Variants in PTPRO observed in about 807,000 individuals in gnomAD.
PTPRO encodes protein tyrosine phosphatase receptor type O, also known as receptor-type tyrosine-protein phosphatase O.
A neutral mutation model predicts 145.2 loss-of-function variants in PTPRO; 62 were observed. The ratio of observed to expected loss-of-function variants is 0.43; its 90% CI spans 0.35 to 0.53. The LOEUF (loss-of-function observed/expected upper bound fraction) is 0.53, where lower values mean the gene tolerates loss of function less well. Ranked by LOEUF, PTPRO falls within the 20% of genes least tolerant of loss-of-function variation. The probability of loss-of-function intolerance (pLI) is 0.01; values close to 1 mark genes in which losing one functional copy is unlikely to be tolerated. For synonymous variants in PTPRO, 565 were observed against 514.7 expected, an observed-to-expected ratio of 1.10 and a Z score of -1.32; for missense variants, 1,345 against 1,482.7, an observed-to-expected ratio of 0.91 and a Z score of 1.53.
chr12:15,495,770 A>G (rs1274802828), intron 2 of PTPRO, among the ~76,000 whole-genome samples: 1 of 152,180 alleles, frequency 6.6e-6, no homozygotes, highest in African/African-American at 2.4e-5. Flanking sequence ...TCATATAAGG[A>G]TGGCACCTGG....
Position 15,526,222 on chromosome 12 carries a change from A to C in PTPRO, c.2124A>C (p.Glu708Asp), listed in dbSNP as rs1168657689. Residue 708 changes from glutamate (E) to aspartate (D), a missense_variant, in exon 12 of 27, where the codon GAA becomes GAC. Around this residue, in one of 3 missense-constraint regions of PTPRO, gnomAD observed 1,130 missense variants for 1,214.7 expected, o/e 0.93. Coordinates refer to ENST00000281171, the MANE Select transcript of PTPRO (RefSeq NM_030667.3). ...ACCTCTCAGTAACTGCTTGTACTGAAAGAGGAAGTAATACCTCCATGCTCC... is the reference window on the plus strand; with the variant it reads ...ACCTCTCAGTAACTGCTTGTACTGACAGAGGAAGTAATACCTCCATGCTCC... Reference protein sequence around the residue: ...IYNLSVTACTERGSNTSMLRL... With the variant: ...IYNLSVTACTDRGSNTSMLRL... 1 of 1,613,924 alleles carries C rather than the reference A, an allele frequency of 6.2e-7. No individual in the cohort carries two copies.
rs1257571508 is a variant in PTPRO, at chr12:15,578,922, C to G, written c.2899C>G (p.Arg967Gly). ...ADLPLNRCKN[R>G]YTNILPYDFS... ...TCTTCCACTGAATCGATGTAAAAACCGTTACACAAACATCCTACCATGTAA... is the reference window on the plus strand; with the variant it reads ...TCTTCCACTGAATCGATGTAAAAACGGTTACACAAACATCCTACCATGTAA... The change falls in exon 20 of 27, where the codon CGT becomes GGT. Residue 967 changes from arginine to glycine, a missense_variant. By Grantham distance (125) the Arg-to-Gly change is moderately radical. Around this residue, in one of 3 missense-constraint regions of PTPRO, gnomAD observed 1,130 missense variants for 1,214.7 expected, o/e 0.93. Transcript: ENST00000281171. 1.2e-6 allele frequency: 2 copies of G among 1,600,500 alleles called. No individual in the cohort carries two copies. Among genetic ancestry groups the G allele is most frequent in the Non-Finnish European group, 1.7e-6 (2 of 1,167,704 alleles).
chr12:15,455,812 T>C (rs1362170233), intron 1 of PTPRO, among the ~76,000 whole-genome samples: 1 of 152,182 alleles, frequency 6.6e-6, no homozygotes, highest in African/African-American at 2.4e-5. Flanking sequence ...ACGGGGACAA[T>C]TTGACGTCCT....
chr12:15,461,566 C>CTTTT lies in PTPRO; in HGVS notation c.76-22389_76-22386dup, dbSNP rs141018489. Among the ~76,000 whole-genome samples the CTTTT allele has an allele frequency of 4.1e-3, 289 of 70,516 alleles. 7 individuals carry two copies. Among genetic ancestry groups the CTTTT allele is most frequent in the African/African-American group, 0.013 (280 of 21,876 alleles). The allele number at this position is 70,516 out of a possible 152,430, so 46.3% of individuals were successfully genotyped here. On this transcript the variant is annotated intron_variant, in intron 1 of 26. Transcript: ENST00000281171. ...CCAAGTCCTTCATTTATTGCTATAG[C>CTTTT]TTTTTTTTTTTTTTTTTTTTTTGAC...
At chr12:15,405,840 A>G (rs1939633659) in intron 1 of PTPRO, among the ~76,000 whole-genome samples, 1 of 152,224 alleles carries the variant, frequency 6.6e-6, no homozygotes, top group South Asian at 2.1e-4. Context: ...TGATGGACCA[A>G]TACAGTTACC....
At position 15,478,711 on chromosome 12, in the gene PTPRO, G is replaced by A. The variant is rs59004210; in HGVS notation, c.76-5263G>A. On this transcript the variant is annotated intron_variant, in intron 1 of 26. Coordinates refer to ENST00000281171, the MANE Select transcript of PTPRO (RefSeq NM_030667.3). ...CTTTGAGACAGAGTCTCTCTCTGTC[G>A]CCCAGGCTGGAGTGCAGTGGCGCGA... is the stretch of plus-strand genomic sequence containing the variant. Among the ~76,000 whole-genome samples the A allele has an allele frequency of 4.1e-3, 615 of 151,780 alleles. 5 individuals are homozygous for A. Among genetic ancestry groups the A allele is most frequent in the African/African-American group, 0.014 (580 of 41,364 alleles).
intron 16 of PTPRO, among the ~76,000 whole-genome samples, 196 bp downstream of exon 16, chr12:15,557,719 AG>A (rs1943672502): frequency 6.6e-6 from 1 of 152,108 alleles, no homozygotes; most frequent in Non-Finnish European, 1.5e-5. Flanking sequence ...AAGTAGGGAA[AG>A]CATCATGGTC....
At chr12:15,369,188 G>T (rs1410203847) in intron 1 of PTPRO, among the ~76,000 whole-genome samples, 1 of 152,176 alleles carries the variant, frequency 6.6e-6, no homozygotes, top group East Asian at 1.9e-4. Context: ...AGTGGATAGG[G>T]TCAGTGACAC....
chr12:15,560,353 T>C, intron 17 of PTPRO, 77 bp downstream of exon 17: 1 of 1,128,480 alleles, frequency 8.9e-7, no homozygotes, highest in Non-Finnish European at 1.3e-6. Context: ...AAGGAAAGTT[T>C]CTTTTTAACT....
chr12:15,357,949 C>A (rs543026269), intron 1 of PTPRO, among the ~76,000 whole-genome samples: 127 of 151,056 alleles, frequency 8.4e-4, no homozygotes, highest in African/African-American at 2.9e-3. Flanking sequence ...ATGTTTATTG[C>A]GTCACTATTC....
intron 1 of PTPRO, among the ~76,000 whole-genome samples, chr12:15,434,135 A>G (rs1411962764): frequency 6.6e-6 from 1 of 152,230 alleles, no homozygotes; most frequent in Admixed American, 6.5e-5. Context: ...TGCCCTTTGC[A>G]GAGTTATATC....
intron 1 of PTPRO, among the ~76,000 whole-genome samples, chr12:15,341,989 T>C (rs1039989097): frequency 1.3e-5 from 2 of 152,216 alleles, no homozygotes; most frequent in Non-Finnish European, 2.9e-5. Flanking sequence ...TTTAAATACA[T>C]ATTATCTTAT....
intron 1 of PTPRO, among the ~76,000 whole-genome samples, chr12:15,381,149 T>C (rs1346741022): frequency 4.6e-5 from 7 of 152,208 alleles, no homozygotes; most frequent in Non-Finnish European, 8.8e-5. Context: ...ATTAATCGTG[T>C]ATCCTTACAG....
Position 15,524,157 on chromosome 12 carries a change from TAA to T in PTPRO, c.1892-638_1892-637del, listed in dbSNP as rs34287474. ...CAGTGTTAGAATTTAGCTTCGTGGCTAAAAAAAAAAAAAAAAAAAACTTGTTC... is the reference window on the plus strand; with the variant it reads ...CAGTGTTAGAATTTAGCTTCGTGGCTAAAAAAAAAAAAAAAAAACTTGTTC... On this transcript the variant is annotated intron_variant, in intron 10 of 26. Coordinates refer to ENST00000281171, the MANE Select transcript of PTPRO (RefSeq NM_030667.3). Among the ~76,000 whole-genome samples the T allele has an allele frequency of 6.0e-3, 779 of 129,104 alleles. 8 individuals carry two copies. The highest frequency in any genetic ancestry group is 0.021 in the African/African-American group (744 of 34,820). The allele number at this position is 129,104 out of a possible 152,430, so 84.7% of individuals were successfully genotyped here. A position where few individuals can be genotyped will look rare whatever the true frequency, so the allele number is the denominator to read the frequency against.
chr12:15,543,344 G>A (rs910537555), intron 12 of PTPRO, among the ~76,000 whole-genome samples: 1 of 152,138 alleles, frequency 6.6e-6, no homozygotes, highest in South Asian at 2.1e-4. Flanking sequence ...ATCACCTAGA[G>A]CCACATTCTC....
intron 13 of PTPRO, among the ~76,000 whole-genome samples, chr12:15,548,499 A>G (rs1670319367): frequency 6.6e-6 from 1 of 151,412 alleles, no homozygotes; most frequent in Non-Finnish European, 1.5e-5. Flanking sequence ...TTACATGCAT[A>G]TATTGTGTGT....
chr12:15,567,430 C>T (rs1943929064), intron 18 of PTPRO, among the ~76,000 whole-genome samples: 1 of 152,018 alleles, frequency 6.6e-6, no homozygotes, highest in South Asian at 2.1e-4. Context: ...TCTCTACTCC[C>T]TTCCAGCTTT....
chr12:15,579,262 A>T (rs1385174492), intron 20 of PTPRO, among the ~76,000 whole-genome samples: 1 of 152,242 alleles, frequency 6.6e-6, no homozygotes, highest in Non-Finnish European at 1.5e-5. Context: ...CAGCCAATTC[A>T]TTGGTAATGG....
At chr12:15,474,360 T>C (rs182965891) in intron 1 of PTPRO, among the ~76,000 whole-genome samples, 2 of 152,146 alleles carry the variant, frequency 1.3e-5, no homozygotes, top group African/African-American at 4.8e-5. Flanking sequence ...GAAGACTGCT[T>C]CCAGAACAGG....
Sources: gnomAD v4.1 joint callset for allele counts (sites outside exome capture counted in the v4.1 genomes callset) on GRCh38, gnomAD v4.1.1 for gene constraint, gnomAD v4.1.1 regional missense constraint, MANE v1.5 for transcripts, NCBI Gene and HGNC (gene_info 2026-07-23, HGNC 2026-07-21) for gene names.